SSRP1: variants seen among roughly 807,000 people sequenced by gnomAD.
The protein encoded by SSRP1 is FACT complex subunit SSRP1.
A neutral mutation model predicts 84.4 loss-of-function variants in SSRP1; 21 were observed. That is an observed-to-expected ratio of 0.25 (90% confidence interval 0.18 to 0.36). SSRP1 has a LOEUF of 0.36. SSRP1 is among the 10% of genes least tolerant of loss of function. The probability of loss-of-function intolerance (pLI) is 1.00; values close to 1 mark genes in which losing one functional copy is unlikely to be tolerated. For missense variants in SSRP1, 519 were observed against 900.8 expected (o/e 0.58, Z 5.43); for synonymous variants, 319 against 318.3 (o/e 1.00, Z -0.02).
rs1415111881 is a variant in SSRP1 at position 57,334,573 on chromosome 11, G to A, written c.130C>T (p.Gln44Ter). ...NSKTGKVDNIQAGELTEGIWR... is the reference protein window; with the variant it reads ...NSKTGKVDNI ...ATACCTTCTGTTAACTCCCCAGCCTGGATGTTGTCCACTTTGCCTGTCTTG... is the reference window on the plus strand; with the variant it reads ...ATACCTTCTGTTAACTCCCCAGCCTAGATGTTGTCCACTTTGCCTGTCTTG... The change falls in exon 3 of 17, where the codon CAG becomes TAG. Residue 44 changes from glutamine (Q) to a stop codon, truncating the protein, a stop_gained. Transcript: ENST00000278412. LOFTEE classifies it high-confidence loss of function. 6.2e-7 allele frequency: 1 copy of A among 1,614,210 alleles called. No individual in the cohort carries two copies. Among genetic ancestry groups the A allele is most frequent in the Non-Finnish European group, 8.5e-7 (1 of 1,180,036 alleles).
rs1220424935 is a variant in SSRP1, at chr11:57,330,026, G to A, written c.1481+67C>T. The A allele has an allele frequency of 6.9e-6, 11 of 1,593,960 alleles. No homozygotes were observed. The highest frequency in any genetic ancestry group is 9.5e-6 in the Non-Finnish European group (11 of 1,161,888). ...AATGCTGGGACCTGAGAAATGTCCA[G>A]AAATCTTCTGGTCCCTTAAGCTTAT... On this transcript the variant is annotated intron_variant, in intron 12 of 16. Coordinates refer to ENST00000278412, the MANE Select transcript of SSRP1 (RefSeq NM_003146.3). The surrounding 1 kb of genome is among the most constrained non-coding windows in gnomAD (Gnocchi z 4.0).
At position 57,332,866 on chromosome 11, in the gene SSRP1, A is replaced by C. The variant is rs1395733115; in HGVS notation, c.538-11T>G. 6.2e-7 allele frequency: 1 copy of C among 1,604,888 alleles called. No homozygotes were observed. ...ATTCTGGGCAAAGGCCTGCAAAAGC[A>C]CATATTGGTAGCCAAGCAGCAGGCC... is the stretch of plus-strand genomic sequence containing the variant. On this transcript the variant is annotated splice_polypyrimidine_tract_variant and intron_variant, in intron 5 of 16. Coordinates refer to ENST00000278412, the MANE Select transcript of SSRP1 (RefSeq NM_003146.3). The surrounding 1 kb of genome is among the most constrained non-coding windows in gnomAD (Gnocchi z 5.5).
intron 13 of SSRP1, 142 bp from the exon 14 acceptor site, chr11:57,328,024 G>T: frequency 9.4e-7 from 1 of 1,069,056 alleles, no homozygotes; most frequent in Non-Finnish European, 1.3e-6. Context: ...TAAGGGCAAG[G>T]ATAGTATCTC....
In SSRP1 at chr11:57,334,467, T is replaced by A. The variant is rs781662202; in HGVS notation, c.236A>T (p.Glu79Val). The part of the protein sequence containing the change: ...GHVYKYDGFR[E>V]SEFEKLSDFF... ...TATAGCCATGGGACATCTCACCGAT[T>A]CTCGGAAGCCATCATACTTGTAGAC... The change falls in exon 3 of 17, where the codon GAA becomes GTA. Residue 79 changes from glutamate (E) to valine (V), a missense_variant. By Grantham distance (121) the Glu-to-Val change is moderately radical. Transcript: ENST00000278412. 21 of 1,613,642 alleles carry A rather than the reference T, an allele frequency of 1.3e-5. No homozygotes were observed. Among genetic ancestry groups the A allele is most frequent in the Non-Finnish European group, 1.8e-5 (21 of 1,179,676 alleles).
chr11:57,332,986 G>T lies in SSRP1; in HGVS notation c.510C>A (p.Thr170=). 1 of 1,613,536 alleles carries T rather than the reference G, an allele frequency of 6.2e-7. No individual in the cohort carries two copies. Among genetic ancestry groups the T allele is most frequent in the Non-Finnish European group, 8.5e-7 (1 of 1,179,652 alleles). Residue 170 remains threonine, a synonymous_variant, in exon 5 of 17, where the codon ACC becomes ACA. Transcript: ENST00000278412. This position sits in a 1 kb window ranked among gnomAD's most constrained non-coding sequence, Gnocchi z 5.5. The stretch of plus-strand genomic sequence containing the variant: ...CAACAGGGTCCACACCATCCTCCTG[G>T]GTGGGTGGGACGTAGAAGCGCACCT... ...LMEVRFYVPP[T]QEDGVDPVEA...
At chr11:57,326,672 C>G (rs1472714473) in intron 16 of SSRP1, 31 bp downstream of exon 16, 5 of 1,607,158 alleles carry the variant, frequency 3.1e-6, no homozygotes, top group South Asian at 1.1e-5. Flanking sequence ...CTCACCCTGC[C>G]CAGCCCACAG....
Position 57,327,420 on chromosome 11 carries a change from A to C in SSRP1, c.1871+6T>G. ...TCAGTGACTGGGCCATGTTCTCGACACTCACCTCTTAGAAGACTCGCCTCG... is the reference window on the plus strand; with the variant it reads ...TCAGTGACTGGGCCATGTTCTCGACCCTCACCTCTTAGAAGACTCGCCTCG... On this transcript the variant is annotated splice_donor_region_variant and intron_variant, in intron 15 of 16. Transcript: ENST00000278412. The C allele has an allele frequency of 6.2e-7, 1 of 1,612,250 alleles. No homozygotes were observed.
intron 4 of SSRP1, 124 bp from the exon 5 acceptor site, chr11:57,333,273 A>C (rs903792601): frequency 1.7e-6 from 2 of 1,199,118 alleles, no homozygotes; most frequent in African/African-American, 3.0e-5. Flanking sequence ...CTATAACCCC[A>C]ACCCCAGGCA....
In SSRP1 at chr11:57,335,237, G is replaced by A. The variant is rs1020924160; in HGVS notation, c.-116C>T. On this transcript the variant is annotated 5_prime_UTR_variant, in exon 2 of 17. Coordinates refer to ENST00000278412, the MANE Select transcript of SSRP1 (RefSeq NM_003146.3). The surrounding 1 kb of genome is among the most constrained non-coding windows in gnomAD (Gnocchi z 4.6). ...GGTGTGCGGATGCTCAGCAGGTTGGGAATCTGAATTCAAGAGGAAGACAGA... is the reference window on the plus strand; with the variant it reads ...GGTGTGCGGATGCTCAGCAGGTTGGAAATCTGAATTCAAGAGGAAGACAGA... The A allele has an allele frequency of 9.6e-7, 1 of 1,043,974 alleles. No individual in the cohort carries two copies. The highest frequency in any genetic ancestry group is 1.6e-5 in the African/African-American group (1 of 63,646). The allele number at this position is 1,043,974 out of a possible 1,614,324, so 64.7% of individuals were successfully genotyped here. A position where few individuals can be genotyped will look rare whatever the true frequency, so the allele number is the denominator to read the frequency against.
At chr11:57,328,262 C>T in intron 13 of SSRP1, 35 bp downstream of exon 13, 1 of 1,610,972 alleles carries the variant, frequency 6.2e-7, no homozygotes, top group Non-Finnish European at 8.5e-7. Context: ...CCACCCACTG[C>T]ACCACACACA....
chr11:57,326,333 A>C lies in SSRP1; in HGVS notation c.*74T>G. 1 of 1,422,970 alleles carries C rather than the reference A, an allele frequency of 7.0e-7. No individual in the cohort carries two copies. The highest frequency in any genetic ancestry group is 9.9e-7 in the Non-Finnish European group (1 of 1,011,052). The allele number at this position is 1,422,970 out of a possible 1,614,324, so 88.1% of individuals were successfully genotyped here. Reference sequence around the variant, plus strand: ...TCCAGGGACTGCATTTCATGAGGAGAAACTGGTACCAAAATATGGGTGGGG... The same window carrying C: ...TCCAGGGACTGCATTTCATGAGGAGCAACTGGTACCAAAATATGGGTGGGG... On this transcript the variant is annotated 3_prime_UTR_variant, in exon 17 of 17. Transcript: ENST00000278412.
At chr11:57,329,774 C>A (rs193090000) in intron 12 of SSRP1, 1 of 449,986 alleles carries the variant, frequency 2.2e-6, no homozygotes, top group Admixed American at 3.9e-5. Context: ...ATGACTTACT[C>A]GACAACCCCC....
chr11:57,326,385 CA>C lies in SSRP1; in HGVS notation c.*21del, dbSNP rs763432406. 3.1e-6 allele frequency: 5 copies of C among 1,613,642 alleles called. No homozygotes were observed. In the South Asian group the frequency reaches 4.4e-5, roughly 14 times the overall value. ...GTCGGGGGGTGTGAGAAGGCAAGCG[CA>C]AAGAGAACCTTCCTCCGTTTCTACT... On this transcript the variant is annotated 3_prime_UTR_variant, in exon 17 of 17. Coordinates refer to ENST00000278412, the MANE Select transcript of SSRP1 (RefSeq NM_003146.3).
chr11:57,334,587 T>C lies in SSRP1; in HGVS notation c.116A>G (p.Lys39Arg). 2 of 1,614,204 alleles carry C rather than the reference T, an allele frequency of 1.2e-6. No homozygotes were observed. Among genetic ancestry groups the C allele is most frequent in the Admixed American group, 3.3e-5 (2 of 60,036 alleles). ...CTCCCCAGCCTGGATGTTGTCCACTTTGCCTGTCTTGCTATTCTTGAAGAT... is the reference window on the plus strand; with the variant it reads ...CTCCCCAGCCTGGATGTTGTCCACTCTGCCTGTCTTGCTATTCTTGAAGAT... ...GIIFKNSKTG[K>R]VDNIQAGELT... Residue 39 changes from lysine to arginine, a missense_variant, in exon 3 of 17, where the codon AAA becomes AGA. Physicochemically the swap from Lys to Arg is conservative, Grantham distance 26. Transcript: ENST00000278412.
rs1028503825 is a variant in SSRP1 at position 57,332,066 on chromosome 11, G to A, written c.1001+86C>T. 3.8e-6 allele frequency: 6 copies of A among 1,594,126 alleles called. No homozygotes were observed. The highest frequency in any genetic ancestry group is 1.3e-5 in the African/African-American group (1 of 74,400). ...GTCCCATCCAGGCCTCTAGGAGGCC[G>A]CATTCCCATCTCAGGAAGGGTTTAC... On this transcript the variant is annotated intron_variant, in intron 8 of 16. Coordinates refer to ENST00000278412, the MANE Select transcript of SSRP1 (RefSeq NM_003146.3). This position sits in a 1 kb window ranked among gnomAD's most constrained non-coding sequence, Gnocchi z 5.5.
Position 57,333,546 on chromosome 11 carries a change from G to C in SSRP1, c.241-6C>G, listed in dbSNP as rs1465297766. On this transcript the variant is annotated splice_region_variant and splice_polypyrimidine_tract_variant and intron_variant, in intron 3 of 16. Transcript: ENST00000278412. ...TCAGAGAGTTTCTCAAACTCCTGTG[G>C]GTGGAGGGAAGAAAGCACAATCCCA... The C allele has an allele frequency of 6.2e-7, 1 of 1,607,976 alleles. No homozygotes were observed. Among genetic ancestry groups the C allele is most frequent in the East Asian group, 2.2e-5 (1 of 44,870 alleles).
Position 57,326,690 on chromosome 11 carries a change from A to T in SSRP1, c.2058+13T>A. 5 of 1,610,940 alleles carry T rather than the reference A, an allele frequency of 3.1e-6. No individual in the cohort carries two copies. The highest frequency in any genetic ancestry group is 4.2e-6 in the Non-Finnish European group (5 of 1,178,196). ...ACCCTGCCCAGCCCACAGGCCCCAC[A>T]TTCCTGCCGCACCTCGCTCCTCCTC... is the stretch of plus-strand genomic sequence containing the variant. On this transcript the variant is annotated intron_variant, in intron 16 of 16. Transcript: ENST00000278412.
chr11:57,328,697 C>G (rs973879380), intron 12 of SSRP1: 7 of 380,314 alleles, frequency 1.8e-5, no homozygotes, highest in African/African-American at 1.5e-4. Context: ...GCGGATCTCC[C>G]TGGGCATGGC....
Position 57,332,684 on chromosome 11 carries a change from T to G in SSRP1, c.709A>C (p.Thr237Pro). Residue 237 changes from threonine to proline, a missense_variant, in exon 6 of 17, where the codon ACC (threonine) becomes CCC (proline). Around this residue, in one of 7 missense-constraint regions of SSRP1, gnomAD observed 159 missense variants for 359.0 expected, o/e 0.44. Coordinates refer to ENST00000278412, the MANE Select transcript of SSRP1 (RefSeq NM_003146.3). The surrounding 1 kb of genome is among the most constrained non-coding windows in gnomAD (Gnocchi z 5.5). ...GKTFDYKIPY[T>P]TVLRLFLLPH... Reference sequence around the variant, plus strand: ...AACAAAAACAGACGCAGTACTGTGGTGTAGGGGATCTTGTAGTCAAAGGTC... The same window carrying G: ...AACAAAAACAGACGCAGTACTGTGGGGTAGGGGATCTTGTAGTCAAAGGTC... 6.2e-7 allele frequency: 1 copy of G among 1,613,910 alleles called. No individual in the cohort carries two copies. Among genetic ancestry groups the G allele is most frequent in the Non-Finnish European group, 8.5e-7 (1 of 1,179,974 alleles).
Sources: gnomAD v4.1 joint callset for allele counts on GRCh38, gnomAD v4.1.1 for gene constraint, gnomAD v4.1.1 regional missense constraint, Gnocchi (gnomAD v3.1) non-coding constraint, MANE v1.5 for transcripts, NCBI Gene and HGNC (gene_info 2026-07-23, HGNC 2026-07-21) for gene names.